Variants in MAGI2 observed in about 807,000 individuals in gnomAD.
MAGI2 encodes membrane associated guanylate kinase, WW and PDZ domain containing 2, also known as membrane-associated guanylate kinase, WW and PDZ domain-containing protein 2.
MAGI2 carries 35 observed loss-of-function variants against 133.3 expected under a neutral mutation model. The ratio of observed to expected loss-of-function variants is 0.26; its 90% CI spans 0.20 to 0.35. The LOEUF is 0.35. MAGI2 is among the 10% of genes least tolerant of loss of function. The pLI, the probability that MAGI2 is intolerant of heterozygous loss-of-function variation, is 1.00. For missense variants in MAGI2, 1,636 were observed against 1,863.4 expected (o/e 0.88, Z 2.25); for synonymous variants, 729 against 710.6 (o/e 1.03, Z -0.41).
chr7:78,435,122 C>T (rs980959010), intron 6 of MAGI2, among the ~76,000 whole-genome samples: 12 of 152,110 alleles, frequency 7.9e-5, no homozygotes, highest in African/African-American at 2.9e-4. Flanking sequence ...GCTTGAGAAT[C>T]CTGATCTATA....
chr7:78,591,797 C>T (rs997006690), intron 3 of MAGI2, among the ~76,000 whole-genome samples: 3 of 152,240 alleles, frequency 2.0e-5, no homozygotes, highest in African/African-American at 7.2e-5. Flanking sequence ...AAGGAATAAA[C>T]CTTCTTTTCA....
chr7:78,457,880 A>G (rs958658945), intron 6 of MAGI2, among the ~76,000 whole-genome samples: 2 of 152,230 alleles, frequency 1.3e-5, no homozygotes, highest in African/African-American at 4.8e-5. Context: ...ATACTTAGAA[A>G]AATAAAGATT....
intron 19 of MAGI2, 103 bp downstream of exon 19, chr7:78,127,094 T>C: frequency 1.1e-6 from 1 of 893,590 alleles, no homozygotes; most frequent in Non-Finnish European, 1.7e-6. Flanking sequence ...ACTTCAGCTC[T>C]CCATCCCAGA....
At chr7:78,304,785 C>G (rs1023341435) in intron 9 of MAGI2, among the ~76,000 whole-genome samples, 2 of 152,046 alleles carry the variant, frequency 1.3e-5, no homozygotes, top group Non-Finnish European at 2.9e-5. Flanking sequence ...TGAAAGCTTC[C>G]CTGATAGGAG....
At chr7:78,590,824 C>T (rs976456292) in intron 3 of MAGI2, among the ~76,000 whole-genome samples, 4 of 152,158 alleles carry the variant, frequency 2.6e-5, no homozygotes, top group African/African-American at 9.7e-5. Context: ...TCTTGAGATG[C>T]CCTATTGGAG....
intron 10 of MAGI2, among the ~76,000 whole-genome samples, chr7:78,236,002 T>G (rs1332391139): frequency 1.3e-5 from 2 of 151,608 alleles, no homozygotes; most frequent in Admixed American, 1.3e-4. Flanking sequence ...GAGTTTTTCC[T>G]TATCTAATTC....
rs200656967 is a variant in MAGI2 at position 79,226,999 on chromosome 7, G to GA, written c.302-219794dup. 6.4e-3 allele frequency among the ~76,000 whole-genome samples: 960 copies of GA among 151,162 alleles called. 6 individuals carry two copies. Among genetic ancestry groups the GA allele is most frequent in the South Asian group, 0.011 (54 of 4,774 alleles). On this transcript the variant is annotated intron_variant, in intron 1 of 21. Transcript: ENST00000354212. Reference sequence around the variant, plus strand: ...TTTTCAGTCTCTAAAGTAGCTGTGAGAAAAAAAAATCCTACTGAAGTAAAC... The same window carrying GA: ...TTTTCAGTCTCTAAAGTAGCTGTGAGAAAAAAAAAATCCTACTGAAGTAAAC...
intron 3 of MAGI2, among the ~76,000 whole-genome samples, chr7:78,583,209 C>A (rs1214900699): frequency 6.6e-6 from 1 of 152,120 alleles, no homozygotes; most frequent in Non-Finnish European, 1.5e-5. Context: ...GCCTCTCTCA[C>A]CCCTTAAAAA....
At chr7:78,045,235 C>A (rs1347621651) in intron 21 of MAGI2, among the ~76,000 whole-genome samples, 1 of 146,570 alleles carries the variant, frequency 6.8e-6, no homozygotes, top group Admixed American at 6.8e-5. Context: ...TAAGGATGTA[C>A]TTAAATTGTA....
At chr7:78,557,070 GGC>G (rs1799894121) in intron 3 of MAGI2, among the ~76,000 whole-genome samples, 2 of 78,736 alleles carry the variant, frequency 2.5e-5, no homozygotes, top group Non-Finnish European at 4.8e-5. Flanking sequence ...CAGCCTGGGT[GGC>G]AGAGTCTCAA....
intron 1 of MAGI2, among the ~76,000 whole-genome samples, chr7:79,044,417 T>C (rs556947478): frequency 2.0e-5 from 3 of 152,304 alleles, no homozygotes; most frequent in Admixed American, 6.5e-5. Flanking sequence ...GAATGAGGCA[T>C]TGCAGGAACA....
chr7:78,241,578 C>G (rs1791142221), intron 10 of MAGI2, among the ~76,000 whole-genome samples: 1 of 152,138 alleles, frequency 6.6e-6, no homozygotes, highest in Admixed American at 6.5e-5. Flanking sequence ...AATACATATA[C>G]CAGTGGCTTG....
intron 1 of MAGI2, among the ~76,000 whole-genome samples, chr7:79,070,116 G>C (rs1018798451): frequency 2.0e-5 from 3 of 151,882 alleles, no homozygotes; most frequent in African/African-American, 7.3e-5. Flanking sequence ...TATCTTTGTC[G>C]TGTTCTCTGT....
At chr7:78,069,408 G>C (rs1015369657) in intron 21 of MAGI2, among the ~76,000 whole-genome samples, 1 of 152,098 alleles carries the variant, frequency 6.6e-6, no homozygotes, top group Non-Finnish European at 1.5e-5. Context: ...TGGAGAGCGA[G>C]AGGGAATGCA....
chr7:79,171,770 A>ATATATATATATTTTT, intron 1 of MAGI2, among the ~76,000 whole-genome samples: 12 of 31,214 alleles, frequency 3.8e-4, no homozygotes, highest in South Asian at 8.1e-4. Context: ...ATATATATAT[A>ATATATATATATTTTT]TTTTTTTTTT....
At chr7:79,008,409 C>A (rs1257335008) in intron 1 of MAGI2, among the ~76,000 whole-genome samples, 2 of 152,098 alleles carry the variant, frequency 1.3e-5, no homozygotes, top group Non-Finnish European at 2.9e-5. Context: ...CAAAATCCAT[C>A]ATTTCAGTTG....
chr7:79,024,319 T>C (rs911029930), intron 1 of MAGI2, among the ~76,000 whole-genome samples: 21 of 152,008 alleles, frequency 1.4e-4, no homozygotes, highest in African/African-American at 5.1e-4. Flanking sequence ...TTACACCATA[T>C]ACAAAAATTA....
At chr7:78,809,571 A>G (rs973269898) in intron 2 of MAGI2, among the ~76,000 whole-genome samples, 1 of 151,972 alleles carries the variant, frequency 6.6e-6, no homozygotes, top group African/African-American at 2.4e-5. Context: ...GATGTGAGCC[A>G]TATTTTCCAG....
intron 1 of MAGI2, chr7:79,353,824 T>C: frequency 4.5e-6 from 1 of 221,904 alleles, no homozygotes; most frequent in South Asian, 6.3e-5. Context: ...CAGGGGGTGG[T>C]GGTGGGGCTG....
Sources: allele counts gnomAD v4.1 joint callset (sites outside exome capture counted in the v4.1 genomes callset), GRCh38; gene constraint gnomAD v4.1.1; transcripts MANE v1.5; gene names NCBI Gene and HGNC (gene_info 2026-07-23, HGNC 2026-07-21).